The following GALNT1 variants were observed in gnomAD, a reference collection of about 807,000 sequenced individuals.
GALNT1 encodes polypeptide N-acetylgalactosaminyltransferase 1, also known as GalNAc transferase 1.
GALNT1 carries 17 observed loss-of-function variants against 65.7 expected under a neutral mutation model. The ratio of observed to expected loss-of-function variants is 0.26; its 90% CI spans 0.18 to 0.39. The LOEUF (loss-of-function observed/expected upper bound fraction) is 0.39. Ranked by LOEUF, GALNT1 falls within the 10% of genes least tolerant of loss-of-function variation. The pLI is 1.00. For synonymous variants in GALNT1, 210 were observed against 219.7 expected, an observed-to-expected ratio of 0.96 and a Z score of 0.39; for missense variants, 460 against 672.8, an observed-to-expected ratio of 0.68 and a Z score of 3.50.
At chr18:35,667,117 C>T (rs575324896) in intron 3 of GALNT1, among the ~76,000 whole-genome samples, 19 of 152,268 alleles carry the variant, frequency 1.2e-4, no homozygotes, top group African/African-American at 4.6e-4. Flanking sequence ...CAATCTTTGC[C>T]TCCTGGTATT....
chr18:35,641,966 C>T (rs564494420), intron 1 of GALNT1, among the ~76,000 whole-genome samples: 1 of 152,114 alleles, frequency 6.6e-6, no homozygotes, highest in East Asian at 1.9e-4. Flanking sequence ...ATTTTGGTGT[C>T]CAAAAATAAG....
intron 2 of GALNT1, among the ~76,000 whole-genome samples, chr18:35,655,659 T>C (rs558036058): frequency 1.3e-5 from 2 of 152,244 alleles, no homozygotes; most frequent in East Asian, 1.9e-4. Flanking sequence ...AATTACTCTT[T>C]AAACATGTTT....
At chr18:35,624,200 CA>C (rs1439475880) in intron 1 of GALNT1, among the ~76,000 whole-genome samples, 2 of 152,168 alleles carry the variant, frequency 1.3e-5, no homozygotes, top group African/African-American at 4.8e-5. Context: ...GTGAAGTTTA[CA>C]TAGATATTTT....
chr18:35,705,233 CACACCTTACCCATTCTTAA>C (rs2048236743), intron 11 of GALNT1, among the ~76,000 whole-genome samples: 1 of 152,176 alleles, frequency 6.6e-6, no homozygotes, highest in African/African-American at 2.4e-5. Flanking sequence ...CTCTGCCTGA[CACACCTTACCCATTCTTAA>C]GAACCCAGCT....
At chr18:35,621,098 A>G (rs1380462757) in intron 1 of GALNT1, among the ~76,000 whole-genome samples, 2 of 151,868 alleles carry the variant, frequency 1.3e-5, no homozygotes, top group East Asian at 1.9e-4. Context: ...TATATGTTCC[A>G]TGTTTATGAT....
Position 35,670,101 on chromosome 18 carries a change from G to A in GALNT1, c.314+6299G>A, listed in dbSNP as rs145546783. 5.8e-4 allele frequency among the ~76,000 whole-genome samples: 89 copies of A among 152,186 alleles called. 1 individual carries two copies. The East Asian group carries it at 9.7e-3, about 17-fold the overall frequency. On this transcript the variant is annotated intron_variant, in intron 3 of 11. Coordinates refer to ENST00000269195, the MANE Select transcript of GALNT1 (RefSeq NM_020474.4). ...GTCCAGGAATTCAAGACCAGCCTGA[G>A]CAACATTGATGAGACCCCATCTCTA...
At chr18:35,698,707 G>A (rs995943817) in intron 9 of GALNT1, among the ~76,000 whole-genome samples, 2 of 152,100 alleles carry the variant, frequency 1.3e-5, no homozygotes, top group South Asian at 2.1e-4. Flanking sequence ...GCCAGGCGCC[G>A]GTGGCTCACG....
At chr18:35,619,184 T>G (rs1214393716) in intron 1 of GALNT1, among the ~76,000 whole-genome samples, 1 of 152,170 alleles carries the variant, frequency 6.6e-6, no homozygotes, top group African/African-American at 2.4e-5. Flanking sequence ...CATGCTAATA[T>G]ATGTTTTGTT....
At chr18:35,692,539 C>T (rs2047985200) in intron 9 of GALNT1, among the ~76,000 whole-genome samples, 1 of 151,842 alleles carries the variant, frequency 6.6e-6, no homozygotes, top group African/African-American at 2.4e-5. Context: ...AGTTGATGCG[C>T]CTGGAGATAA....
intron 3 of GALNT1, among the ~76,000 whole-genome samples, chr18:35,672,503 G>A (rs1446989506): frequency 1.3e-5 from 2 of 152,094 alleles, no homozygotes; most frequent in Admixed American, 1.3e-4. Flanking sequence ...ACCACCTTTT[G>A]GAACCCAGAG....
intron 3 of GALNT1, among the ~76,000 whole-genome samples, chr18:35,672,141 A>G (rs551027727): frequency 2.0e-5 from 3 of 152,360 alleles, no homozygotes; most frequent in African/African-American, 7.2e-5. Context: ...TCTCTAAGAT[A>G]AAGAGAATTA....
intron 11 of GALNT1, 138 bp downstream of exon 11, chr18:35,703,781 C>A: frequency 1.3e-6 from 1 of 781,584 alleles, no homozygotes; most frequent in Non-Finnish European, 1.9e-6. Context: ...TATTGACAGG[C>A]GGGAAAAATA....
intron 1 of GALNT1, among the ~76,000 whole-genome samples, chr18:35,586,691 C>T (rs1199625674): frequency 6.6e-6 from 1 of 152,106 alleles, no homozygotes; most frequent in Non-Finnish European, 1.5e-5. Flanking sequence ...GCTGTCATTC[C>T]TCCGTTGAAT....
intron 1 of GALNT1, among the ~76,000 whole-genome samples, chr18:35,622,074 TTTTAAAGTTCTATTTAAA>T (rs1467390955): frequency 6.6e-6 from 1 of 152,214 alleles, no homozygotes; most frequent in Non-Finnish European, 1.5e-5. Flanking sequence ...TAGGATCTAC[TTTTAAAGTTCTATTTAAA>T]AACTATATTG....
At position 35,691,086 on chromosome 18, in the gene GALNT1, T is replaced by C; in HGVS notation, c.1053T>C (p.Pro351=). 1 of 1,613,484 alleles carries C rather than the reference T, an allele frequency of 6.2e-7. No individual in the cohort carries two copies. Among genetic ancestry groups the C allele is most frequent in the Non-Finnish European group, 8.5e-7 (1 of 1,179,682 alleles). Residue 351 remains proline, a synonymous_variant, in exon 8 of 12, where the codon CCT becomes CCC. Transcript: ENST00000269195. ...HVGHVFRKAT[P]YTFPGGTGQI... is the part of the protein sequence containing the mutation. The stretch of plus-strand genomic sequence containing the variant: ...GACATGTGTTTCGGAAAGCTACACC[T>C]TACACGTTTCCAGGAGGCACAGGGC...
At chr18:35,662,238 A>G (rs1034315997) in intron 2 of GALNT1, among the ~76,000 whole-genome samples, 4 of 152,224 alleles carry the variant, frequency 2.6e-5, no homozygotes, top group Admixed American at 2.0e-4. Flanking sequence ...CTCATATTTA[A>G]GGAGCTTACT....
chr18:35,639,958 G>T lies in GALNT1; in HGVS notation c.-103-14602G>T, dbSNP rs548088957. ...ATTACAGGTGCCTGCCACCACAGCC[G>T]GCTAATTTTTGTATTTTAAGTAGAG... On this transcript the variant is annotated intron_variant, in intron 1 of 11. Coordinates refer to ENST00000269195, the MANE Select transcript of GALNT1 (RefSeq NM_020474.4). Among the ~76,000 whole-genome samples the T allele has an allele frequency of 3.4e-4, 51 of 152,032 alleles. 3 individuals are homozygous for T. In the South Asian group the frequency reaches 0.011, roughly 32 times the overall value.
At chr18:35,709,442 C>G in intron 11 of GALNT1, among the ~76,000 whole-genome samples, 182 bp from the exon 12 acceptor site, 1 of 151,610 alleles carries the variant, frequency 6.6e-6, no homozygotes, top group Admixed American at 6.6e-5. Flanking sequence ...CTACTTCTCT[C>G]TCTCTCTCTC....
chr18:35,687,618 G>A (rs1390769878), intron 6 of GALNT1, among the ~76,000 whole-genome samples: 1 of 152,074 alleles, frequency 6.6e-6, no homozygotes, highest in African/African-American at 2.4e-5. Flanking sequence ...TTATTGACTG[G>A]TAAAGTTAGA....
Sources: allele counts gnomAD v4.1 joint callset (sites outside exome capture counted in the v4.1 genomes callset), GRCh38; gene constraint gnomAD v4.1.1; transcripts MANE v1.5; gene names NCBI Gene and HGNC (gene_info 2026-07-23, HGNC 2026-07-21).